SORCS2: variants seen among roughly 807,000 people sequenced by gnomAD.
The protein encoded by SORCS2 is VPS10 domain-containing receptor SorCS2.
A neutral mutation model predicts 141.6 loss-of-function variants in SORCS2; 100 were observed. That is an observed-to-expected ratio of 0.71 (90% confidence interval 0.60 to 0.83). The LOEUF is 0.83. Among genes scored for constraint, SORCS2 ranks in the 40% least tolerant of loss-of-function variants. SORCS2 has a pLI of 0.00. For missense variants in SORCS2, 1,646 were observed against 1,560.2 expected, an observed-to-expected ratio of 1.05 and a Z score of -0.93; for synonymous variants, 789 against 676.9, an observed-to-expected ratio of 1.17 and a Z score of -2.57.
At chr4:7,629,770 C>A (rs186135583) in intron 3 of SORCS2, among the ~76,000 whole-genome samples, 1 of 152,034 alleles carries the variant, frequency 6.6e-6, no homozygotes, top group Non-Finnish European at 1.5e-5. Flanking sequence ...CCCACCCTCC[C>A]TCTACTTGGG....
At chr4:7,710,184 TCATGTTTCTGTACCCGC>T (rs1176650303) in intron 14 of SORCS2, among the ~76,000 whole-genome samples, 2 of 152,078 alleles carry the variant, frequency 1.3e-5, no homozygotes, top group African/African-American at 4.8e-5. Flanking sequence ...AGCCCCAGTG[TCATGTTTCTGTACCCGC>T]CATGTTTCTG....
chr4:7,360,664 G>A (rs556214925), intron 1 of SORCS2, among the ~76,000 whole-genome samples: 1 of 130,606 alleles, frequency 7.7e-6, no homozygotes, highest in Non-Finnish European at 1.6e-5. Flanking sequence ...CTGTTGCTTC[G>A]ACCTCCCAGG....
intron 4 of SORCS2, among the ~76,000 whole-genome samples, chr4:7,649,799 T>G (rs62290669): frequency 0.015 from 2,319 of 152,202 alleles, 23 homozygotes; most frequent in Non-Finnish European, 0.024. Flanking sequence ...ACATCCTTCT[T>G]TGGTGAACAG....
intron 1 of SORCS2, among the ~76,000 whole-genome samples, chr4:7,339,184 C>T (rs1393061589): frequency 6.6e-6 from 1 of 152,194 alleles, no homozygotes; most frequent in Admixed American, 6.5e-5. Context: ...GAGCGCTGCC[C>T]TTTTTCTCAC....
chr4:7,665,309 GCATCCCATCCC>G (rs1433490649), intron 7 of SORCS2, among the ~76,000 whole-genome samples: 1 of 152,154 alleles, frequency 6.6e-6, no homozygotes, highest in East Asian at 1.9e-4. Flanking sequence ...CAGGCAGTGG[GCATCCCATCCC>G]CCACTGTTAA....
intron 2 of SORCS2, among the ~76,000 whole-genome samples, chr4:7,410,584 G>C (rs1725238579): frequency 6.6e-6 from 1 of 152,156 alleles, no homozygotes; most frequent in African/African-American, 2.4e-5. Context: ...TCAGAGGTCT[G>C]TTTCCTTCCT....
At chr4:7,525,821 C>A (rs115712319) in intron 2 of SORCS2, among the ~76,000 whole-genome samples, 2,894 of 113,750 alleles carry the variant, frequency 0.025, 250 homozygotes, top group African/African-American at 0.092. Flanking sequence ...CTGCAGTCAC[C>A]TGTCCCCTCA....
At chr4:7,695,876 G>GTGGA (rs1299827624) in intron 11 of SORCS2, among the ~76,000 whole-genome samples, 543 of 27,672 alleles carry the variant, frequency 0.02, 28 homozygotes, top group Middle Eastern at 0.045. Context: ...GGGTGGGTGG[G>GTGGA]TGGATGGATG....
chr4:7,344,807 C>G (rs1211626069), intron 1 of SORCS2, among the ~76,000 whole-genome samples: 1 of 152,204 alleles, frequency 6.6e-6, no homozygotes, highest in Admixed American at 6.5e-5. Flanking sequence ...CCTGATTCCC[C>G]CGTGTACTGA....
intron 2 of SORCS2, among the ~76,000 whole-genome samples, chr4:7,404,438 G>A (rs532532912): frequency 1.2e-4 from 19 of 152,182 alleles, no homozygotes; most frequent in African/African-American, 3.6e-4. Flanking sequence ...ACTGTTTTCC[G>A]TAGAGTCTGT....
chr4:7,638,797 G>A (rs1443866375), intron 4 of SORCS2, among the ~76,000 whole-genome samples: 3 of 152,204 alleles, frequency 2.0e-5, no homozygotes, highest in Admixed American at 1.3e-4. Context: ...CATGCCACTC[G>A]CCATCCCTTT....
intron 1 of SORCS2, among the ~76,000 whole-genome samples, chr4:7,304,685 G>T (rs997474117): frequency 6.6e-6 from 1 of 152,296 alleles, no homozygotes; most frequent in South Asian, 2.1e-4. Context: ...AGGCGAACAG[G>T]CCTGAGCTCC....
intron 8 of SORCS2, among the ~76,000 whole-genome samples, chr4:7,670,879 A>G (rs553219393): frequency 6.6e-6 from 1 of 152,110 alleles, no homozygotes; most frequent in Non-Finnish European, 1.5e-5. Flanking sequence ...CTGATTACTG[A>G]CTGCTTCTGA....
intron 7 of SORCS2, among the ~76,000 whole-genome samples, chr4:7,665,963 G>C (rs2189369): frequency 1.3e-5 from 2 of 152,184 alleles, no homozygotes; most frequent in Non-Finnish European, 2.9e-5. Context: ...ATCTCAGAGA[G>C]GTTAGGAGGG....
At chr4:7,338,660 C>A (rs1443357865) in intron 1 of SORCS2, among the ~76,000 whole-genome samples, 1 of 152,178 alleles carries the variant, frequency 6.6e-6, no homozygotes, top group African/African-American at 2.4e-5. Flanking sequence ...ACACCCCTGT[C>A]CCCATCCCTC....
intron 2 of SORCS2, among the ~76,000 whole-genome samples, chr4:7,511,801 A>G (rs567748842): frequency 1.0e-3 from 154 of 152,298 alleles, no homozygotes; most frequent in African/African-American, 3.5e-3. Context: ...CCAGACGCTC[A>G]GATGCAGAAA....
intron 1 of SORCS2, among the ~76,000 whole-genome samples, chr4:7,278,104 C>T (rs1179401067): frequency 6.6e-6 from 1 of 152,172 alleles, no homozygotes; most frequent in Non-Finnish European, 1.5e-5. Flanking sequence ...GAGCCAGGTC[C>T]CTATCCCAGG....
At chr4:7,526,137 G>T (rs1733682424) in intron 2 of SORCS2, among the ~76,000 whole-genome samples, 1 of 152,220 alleles carries the variant, frequency 6.6e-6, no homozygotes, top group African/African-American at 2.4e-5. Context: ...CACGACCCAG[G>T]CGCCATTCAG....
intron 2 of SORCS2, among the ~76,000 whole-genome samples, chr4:7,401,366 G>T (rs1324748984): frequency 8.5e-5 from 13 of 152,216 alleles, no homozygotes; most frequent in Non-Finnish European, 1.9e-4. Flanking sequence ...TGGACAGATG[G>T]ATGGGTGGAT....
Sources: allele counts gnomAD v4.1 joint callset (sites outside exome capture counted in the v4.1 genomes callset), GRCh38; gene constraint gnomAD v4.1.1; transcripts MANE v1.5; gene names NCBI Gene and HGNC (gene_info 2026-07-23, HGNC 2026-07-21).